Variants in ZMYM6 observed in about 807,000 individuals in gnomAD.
ZMYM6 encodes zinc finger MYM-type containing 6.
Under a neutral mutation model 134.0 loss-of-function variants are expected in ZMYM6, and 90 were observed. That is an observed-to-expected ratio of 0.67 (90% CI 0.57 to 0.80). The LOEUF (loss-of-function observed/expected upper bound fraction) is 0.80. Among genes scored for constraint, ZMYM6 ranks in the 30% least tolerant of loss-of-function variants. The pLI is 0.00. For missense variants in ZMYM6, 1,362 were observed against 1,533.9 expected (o/e 0.89, Z 1.87); for synonymous variants, 481 against 524.1 (o/e 0.92, Z 1.12).
At chr1:34,992,491 T>G in intron 14 of ZMYM6, 104 bp from the exon 15 acceptor site, 1 of 1,241,796 alleles carries the variant, frequency 8.1e-7, no homozygotes, top group South Asian at 1.5e-5. Context: ...AAGAGAAATA[T>G]AATTCCTCTG....
intron 2 of ZMYM6, among the ~76,000 whole-genome samples, chr1:35,029,544 A>G (rs1307612071): frequency 6.6e-6 from 1 of 152,180 alleles, no homozygotes; most frequent in East Asian, 1.9e-4. Flanking sequence ...ACATACTGAT[A>G]TACTAATGCC....
At position 35,020,435 on chromosome 1, in the gene ZMYM6, T is replaced by C. The variant is rs1242859384; in HGVS notation, c.126A>G (p.Gln42=). The change falls in exon 3 of 16, where the codon CAA becomes CAG. Residue 42 remains glutamine (Q), a synonymous_variant. Transcript: ENST00000357182. ...CACCACCAATTTTCAATTTACTTTC[T>C]TGAGTTTTTGGCTGTTGGACACATC... ...EYGCVQQPKT[Q]ESKLKIGGVS... is the part of the protein sequence containing the mutation. 6.2e-7 allele frequency: 1 copy of C among 1,612,400 alleles called. No homozygotes were observed.
intron 14 of ZMYM6, among the ~76,000 whole-genome samples, chr1:35,003,180 CAAAAAAAAAAAA>C (rs202093628): frequency 6.3e-5 from 4 of 63,058 alleles, no homozygotes; most frequent in Non-Finnish European, 7.8e-5. Flanking sequence ...GACCCTGTCT[CAAAAAAAAAAAA>C]AAAAAAAAAA....
intron 2 of ZMYM6, among the ~76,000 whole-genome samples, chr1:35,025,819 A>G (rs901851798): frequency 3.9e-5 from 6 of 152,164 alleles, no homozygotes; most frequent in Non-Finnish European, 7.3e-5. Flanking sequence ...TGTGACTTTT[A>G]ACGGGTTACT....
chr1:35,015,522 G>C (rs538113074), intron 4 of ZMYM6, among the ~76,000 whole-genome samples: 1 of 151,454 alleles, frequency 6.6e-6, no homozygotes, highest in Non-Finnish European at 1.5e-5. Flanking sequence ...TCAGGAGTTC[G>C]AGACCAGCCT....
At chr1:35,000,071 T>C (rs1047522529) in intron 14 of ZMYM6, among the ~76,000 whole-genome samples, 2 of 152,062 alleles carry the variant, frequency 1.3e-5, no homozygotes, top group African/African-American at 4.8e-5. Context: ...TAGCTGAGAC[T>C]ATAGGCGTGC....
At chr1:35,013,571 C>G (rs1360131376) in intron 6 of ZMYM6, 1 of 985,348 alleles carries the variant, frequency 1.0e-6, no homozygotes, top group Non-Finnish European at 1.2e-6. Context: ...AAAAGAGATT[C>G]TTTTCAGTGA....
chr1:35,013,430 T>C (rs974611686), intron 6 of ZMYM6: 2 of 984,270 alleles, frequency 2.0e-6, no homozygotes, highest in Admixed American at 6.2e-5. Flanking sequence ...ATAATCTTCC[T>C]AGTAAAAAGA....
chr1:35,001,925 T>C (rs1369127464), intron 14 of ZMYM6, among the ~76,000 whole-genome samples: 6 of 152,190 alleles, frequency 3.9e-5, no homozygotes, highest in Admixed American at 3.9e-4. Flanking sequence ...TTTGAGAGTT[T>C]TTTCTTTCTT....
At position 35,030,610 on chromosome 1, in the gene ZMYM6, G is replaced by A. The variant is rs773292303; in HGVS notation, c.30C>T (p.Gly10=). 12 of 1,613,680 alleles carry A rather than the reference G, an allele frequency of 7.4e-6. No individual in the cohort carries two copies. In the Admixed American group the frequency reaches 2.0e-4, roughly 27 times the overall value. ...GCTCCTGCTGTGGTACCACTGCTTT[G>A]CCACATTCACCATCCAAAGGTTCTT... MKEPLDGEC[G]KAVVPQQELL... The change falls in exon 2 of 16, where the codon GGC becomes GGT. Residue 10 remains glycine, a synonymous_variant. Transcript: ENST00000357182.
intron 2 of ZMYM6, among the ~76,000 whole-genome samples, chr1:35,028,412 A>G (rs186574369): frequency 2.7e-4 from 41 of 152,298 alleles, no homozygotes; most frequent in Non-Finnish European, 7.4e-5. Context: ...CTGATACAAT[A>G]AAGTCAATAA....
At position 35,014,770 on chromosome 1, in the gene ZMYM6, T is replaced by C. The variant is rs1177009840; in HGVS notation, c.722A>G (p.Tyr241Cys). The change falls in exon 6 of 16, where the codon TAT (tyrosine) becomes TGT (cysteine). Residue 241 changes from tyrosine (Y) to cysteine (C), a missense_variant. This residue lies in a region of ZMYM6 where 503 missense variants were observed against 520.8 expected (regional missense o/e 0.97). Transcript: ENST00000357182. ...TMNCCENCGS[Y>C]CYSSSGPCQS... Reference sequence around the variant, plus strand: ...GCAAGGACCAGAGCTACTATAGCAATAGCTCCCACAGTTCTCACAACAGTT... The same window carrying C: ...GCAAGGACCAGAGCTACTATAGCAACAGCTCCCACAGTTCTCACAACAGTT... 2.5e-6 allele frequency: 4 copies of C among 1,614,072 alleles called. No homozygotes were observed. Among genetic ancestry groups the C allele is most frequent in the Non-Finnish European group, 3.4e-6 (4 of 1,180,044 alleles).
intron 14 of ZMYM6, among the ~76,000 whole-genome samples, chr1:35,000,061 T>G (rs1037074504): frequency 6.6e-6 from 1 of 152,186 alleles, no homozygotes; most frequent in African/African-American, 2.4e-5. Context: ...GCCTCCCAAG[T>G]AGCTGAGACT....
Position 34,987,816 on chromosome 1 carries a change from A to G in ZMYM6, c.3266T>C (p.Ile1089Thr), listed in dbSNP as rs886994631. ...ATGCTTTTGACTTAAAAATATTTCA[A>G]TCTCATGTCGTAATTCAAATAATCT... ...LKRLFELRHE[I>T]EIFLSQKHSD... is the part of the protein sequence containing the mutation. Residue 1089 changes from isoleucine to threonine, a missense_variant, in exon 16 of 16, where the codon ATT (isoleucine) becomes ACT (threonine). This residue lies in a region of ZMYM6 where 824 missense variants were observed against 940.9 expected (regional missense o/e 0.88). Coordinates refer to ENST00000357182, the MANE Select transcript of ZMYM6 (RefSeq NM_007167.4). The G allele has an allele frequency of 3.2e-6, 5 of 1,550,880 alleles. No individual in the cohort carries two copies. In the African/African-American group the frequency reaches 5.5e-5, roughly 17 times the overall value.
chr1:35,022,896 A>C (rs1641336340), intron 2 of ZMYM6, among the ~76,000 whole-genome samples: 1 of 152,162 alleles, frequency 6.6e-6, no homozygotes, highest in Admixed American at 6.5e-5. Context: ...AGGTTCTAAC[A>C]GCAGACAGAA....
At chr1:35,015,743 A>ATAT (rs1553131756) in intron 4 of ZMYM6, among the ~76,000 whole-genome samples, 7 of 106,468 alleles carry the variant, frequency 6.6e-5, no homozygotes, top group East Asian at 5.2e-4. Flanking sequence ...AAAAAAAAAA[A>ATAT]ATATATATAT....
rs549168274 is a variant in ZMYM6, at chr1:35,022,757, C to T, written c.94-2290G>A. ...GCTTATTTGGATAATTTGATTAATG[C>T]TTAACATTCATCCTTCCCCCTACAC... On this transcript the variant is annotated intron_variant, in intron 2 of 15. Coordinates refer to ENST00000357182, the MANE Select transcript of ZMYM6 (RefSeq NM_007167.4). Among the ~76,000 whole-genome samples, 6 of 152,250 alleles carry T rather than the reference C, an allele frequency of 3.9e-5. No homozygotes were observed. The East Asian group carries it at 1.2e-3, about 29-fold the overall frequency.
chr1:35,008,671 T>C (rs1641029707), intron 11 of ZMYM6, 81 bp downstream of exon 11: 1 of 1,481,868 alleles, frequency 6.7e-7, no homozygotes, highest in Non-Finnish European at 9.1e-7. Flanking sequence ...AAATTTTTCT[T>C]CACATAATTT....
intron 2 of ZMYM6, among the ~76,000 whole-genome samples, chr1:35,028,894 T>G (rs1641465395): frequency 6.6e-6 from 1 of 151,754 alleles, no homozygotes; most frequent in Non-Finnish European, 1.5e-5. Context: ...CTTTCTCACT[T>G]AAAACCCTAC....
Sources: allele counts gnomAD v4.1 joint callset (sites outside exome capture counted in the v4.1 genomes callset), GRCh38; gene constraint gnomAD v4.1.1; regional missense constraint gnomAD v4.1.1; transcripts MANE v1.5; gene names NCBI Gene and HGNC (gene_info 2026-07-23, HGNC 2026-07-21).